CCL26: variants seen among roughly 807,000 people sequenced by gnomAD.
CCL26 encodes the protein C-C motif chemokine ligand 26.
CCL26 carries 10 observed loss-of-function variants against 10.7 expected under a neutral mutation model. The ratio of observed to expected loss-of-function variants is 0.93; its 90% CI spans 0.57 to 1.58. The LOEUF (loss-of-function observed/expected upper bound fraction) is 1.58. CCL26 is among the 40% of genes most tolerant of loss of function. CCL26 has a pLI of 0.00. For missense variants in CCL26, 116 were observed against 111.0 expected, an observed-to-expected ratio of 1.05 and a Z score of -0.20; for synonymous variants, 43 against 41.4, an observed-to-expected ratio of 1.04 and a Z score of -0.15.
chr7:75,771,936 C>T lies in CCL26; in HGVS notation c.141G>A (p.Val47=). ...TGTTACTGGTGAATTCATAGCTTCGCACCCAGGTCCAGGGAAGGGGCTTGT... is the reference window on the plus strand; with the variant it reads ...TGTTACTGGTGAATTCATAGCTTCGTACCCAGGTCCAGGGAAGGGGCTTGT... ...YSHKPLPWTW[V]RSYEFTSNSC... is the part of the protein sequence containing the mutation. Residue 47 remains valine, a synonymous_variant, in exon 2 of 3, where the codon GTG becomes GTA. Transcript: ENST00000005180. 1 of 1,614,102 alleles carries T rather than the reference C, an allele frequency of 6.2e-7. No homozygotes were observed. The highest frequency in any genetic ancestry group is 2.2e-5 in the East Asian group (1 of 44,882).
intron 1 of CCL26, among the ~76,000 whole-genome samples, chr7:75,784,362 T>C (rs1395814606): frequency 3.3e-5 from 5 of 152,224 alleles, no homozygotes; most frequent in African/African-American, 1.2e-4. Flanking sequence ...GCTCTCTGAC[T>C]GACTCCTTCC....
At position 75,769,569 on chromosome 7, in the gene CCL26, G is replaced by A; in HGVS notation, c.*124C>T. On this transcript the variant is annotated 3_prime_UTR_variant, in exon 3 of 3. Transcript: ENST00000005180. ...AACAACCTTTATTAAAGTAACTCTG[G>A]GAGGAAACACCCTCTCCTCCCCAGC... The A allele has an allele frequency of 1.7e-6, 1 of 594,940 alleles. No homozygotes were observed. Among genetic ancestry groups the A allele is most frequent in the Non-Finnish European group, 3.1e-6 (1 of 325,220 alleles). The allele number at this position is 594,940 out of a possible 1,614,324, so 36.9% of individuals were successfully genotyped here.
chr7:75,778,245 A>G (rs1039284629), intron 1 of CCL26, among the ~76,000 whole-genome samples: 2 of 151,184 alleles, frequency 1.3e-5, no homozygotes, highest in African/African-American at 4.9e-5. Context: ...TAATTGAGAC[A>G]TGGTCTCACT....
intron 1 of CCL26, among the ~76,000 whole-genome samples, chr7:75,779,416 A>AC (rs1803012392): frequency 6.6e-6 from 1 of 152,156 alleles, no homozygotes. Context: ...AGGTCCTCAG[A>AC]CCGACCAGCC....
At chr7:75,774,368 C>T (rs1339355080), upstream of CCL26, among the ~76,000 whole-genome samples, 2 of 152,044 alleles carry the variant, frequency 1.3e-5, no homozygotes, top group Admixed American at 1.3e-4. Context: ...AGTCTTGTCT[C>T]GAACTCCTGA....
Position 75,772,021 on chromosome 7 carries a change from G to A in CCL26, c.74-18C>T. On this transcript the variant is annotated intron_variant, in intron 1 of 2. Transcript: ENST00000005180. Reference sequence around the variant, plus strand: ...ACTCCCACCTAAAAATCAGGGAGAGGAAGGGTTTGGAGATACTCATTTCCA... The same window carrying A: ...ACTCCCACCTAAAAATCAGGGAGAGAAAGGGTTTGGAGATACTCATTTCCA... 6.2e-7 allele frequency: 1 copy of A among 1,608,188 alleles called. No individual in the cohort carries two copies. Among genetic ancestry groups the A allele is most frequent in the Non-Finnish European group, 8.5e-7 (1 of 1,174,518 alleles).
At chr7:75,778,675 G>A (rs1258982170) in intron 1 of CCL26, among the ~76,000 whole-genome samples, 4 of 147,858 alleles carry the variant, frequency 2.7e-5, no homozygotes, top group South Asian at 2.1e-4. Context: ...TGCCCAGGCT[G>A]GAATGCAGTG....
intron 1 of CCL26, among the ~76,000 whole-genome samples, chr7:75,782,354 C>G (rs988234379): frequency 6.6e-6 from 1 of 151,554 alleles, no homozygotes; most frequent in Non-Finnish European, 1.5e-5. Context: ...CTGATCTCTG[C>G]GTGGACGCCT....
chr7:75,791,454 C>A (rs1803331530), upstream of CCL26, among the ~76,000 whole-genome samples: 1 of 152,278 alleles, frequency 6.6e-6, no homozygotes, highest in African/African-American at 2.4e-5. Context: ...GTGGCTGAAG[C>A]CCCTTCCCTG....
upstream of CCL26, among the ~76,000 whole-genome samples, chr7:75,777,104 C>T (rs527451311): frequency 8.5e-5 from 13 of 152,180 alleles, no homozygotes; most frequent in South Asian, 1.7e-3. Flanking sequence ...TGGTGGTGGA[C>T]ACCTGTAATT....
chr7:75,772,179 T>C lies in CCL26; in HGVS notation c.-3A>G. The C allele has an allele frequency of 1.3e-6, 2 of 1,550,110 alleles. No homozygotes were observed. The highest frequency in any genetic ancestry group is 1.7e-6 in the Non-Finnish European group (2 of 1,146,512). ...GAGGCCAAGGAGAGGCCCATCATGA[T>C]GCTGCAAATCAGGCCCTTCTCAGGT... On this transcript the variant is annotated 5_prime_UTR_variant, in exon 1 of 3. Transcript: ENST00000005180.
At chr7:75,789,634 C>T (rs1203078304) in intron 1 of CCL26, 4 of 139,714 alleles carry the variant, frequency 2.9e-5, no homozygotes, top group Admixed American at 7.1e-5. Flanking sequence ...CTTTGCCCCC[C>T]TCCCCACCAC....
chr7:75,774,146 G>A (rs899949730), upstream of CCL26, among the ~76,000 whole-genome samples: 30 of 152,028 alleles, frequency 2.0e-4, no homozygotes, highest in African/African-American at 7.2e-4. Context: ...AGGGTGGTTT[G>A]TTTTTGTTTT....
chr7:75,775,088 C>T (rs1240112367), upstream of CCL26, among the ~76,000 whole-genome samples: 4 of 151,702 alleles, frequency 2.6e-5, no homozygotes, highest in African/African-American at 7.3e-5. Context: ...AGCATGGTGT[C>T]GCGTGTCTGT....
intron 1 of CCL26, among the ~76,000 whole-genome samples, chr7:75,789,208 G>A (rs1010607054): frequency 1.3e-4 from 19 of 150,274 alleles, no homozygotes; most frequent in African/African-American, 4.7e-4. Context: ...GCCTCCCAAA[G>A]TGCTGGGATT....
upstream of CCL26, among the ~76,000 whole-genome samples, chr7:75,773,562 AATT>A: frequency 6.6e-6 from 1 of 151,892 alleles, no homozygotes; most frequent in Admixed American, 6.6e-5. Flanking sequence ...ATACCTGGTC[AATT>A]ATTATTATTA....
At chr7:75,777,721 G>GAACAAAAAA (rs1802971290) in intron 1 of CCL26, among the ~76,000 whole-genome samples, 1 of 60,542 alleles carries the variant, frequency 1.7e-5, no homozygotes, top group Non-Finnish European at 2.8e-5. Context: ...TCCTGTCTCA[G>GAACAAAAAA]AAAAAAAAAA....
intron 2 of CCL26, among the ~76,000 whole-genome samples, chr7:75,770,908 GAAC>G (rs1802807593): frequency 6.6e-6 from 1 of 152,086 alleles, no homozygotes; most frequent in Admixed American, 6.6e-5. Flanking sequence ...GTTGACTCTT[GAAC>G]AACACGGATT....
upstream of CCL26, among the ~76,000 whole-genome samples, chr7:75,773,031 T>C (rs900242437): frequency 2.0e-5 from 3 of 151,960 alleles, no homozygotes; most frequent in Admixed American, 2.0e-4. Flanking sequence ...ACCTCGACAA[T>C]GGATATTTAA....
Sources: gnomAD v4.1 joint callset for allele counts (sites outside exome capture counted in the v4.1 genomes callset) on GRCh38, gnomAD v4.1.1 for gene constraint, MANE v1.5 for transcripts, NCBI Gene and HGNC (gene_info 2026-07-23, HGNC 2026-07-21) for gene names.